The following CARMIL1 variants were observed in gnomAD, a reference collection of about 807,000 sequenced individuals.
The protein encoded by CARMIL1 is F-actin-uncapping protein LRRC16A.
CARMIL1 carries 90 observed loss-of-function variants against 177.1 expected under a neutral mutation model. That is an observed-to-expected ratio of 0.51 (90% CI 0.43 to 0.61). The LOEUF (loss-of-function observed/expected upper bound fraction) is 0.61, where lower values mean the gene tolerates loss of function less well. Ranked by LOEUF, CARMIL1 falls within the 20% of genes least tolerant of loss-of-function variation. CARMIL1 has a pLI of 0.00. For missense variants in CARMIL1, 1,380 were observed against 1,667.0 expected, an observed-to-expected ratio of 0.83 and a Z score of 3.00; for synonymous variants, 577 against 606.2, an observed-to-expected ratio of 0.95 and a Z score of 0.71.
At chr6:25,346,086 T>G (rs1320946213) in intron 2 of CARMIL1, among the ~76,000 whole-genome samples, 1 of 152,238 alleles carries the variant, frequency 6.6e-6, no homozygotes, top group Non-Finnish European at 1.5e-5. Flanking sequence ...TAACTGGTCT[T>G]TCAGCTTCCA....
intron 2 of CARMIL1, among the ~76,000 whole-genome samples, chr6:25,390,726 G>T (rs1792728427): frequency 6.6e-6 from 1 of 152,076 alleles, no homozygotes; most frequent in South Asian, 2.1e-4. Context: ...GTCTCGCTCT[G>T]TCAGCCCAGG....
At chr6:25,480,616 T>C in intron 11 of CARMIL1, among the ~76,000 whole-genome samples, 1 of 145,506 alleles carries the variant, frequency 6.9e-6, no homozygotes, top group East Asian at 2.0e-4. Flanking sequence ...TCTTTATATT[T>C]ATATAATAAT....
chr6:25,308,059 T>C (rs1214305718), intron 2 of CARMIL1, among the ~76,000 whole-genome samples: 1 of 152,232 alleles, frequency 6.6e-6, no homozygotes, highest in East Asian at 1.9e-4. Context: ...AATGGCTGTG[T>C]GCAGATTAGG....
At chr6:25,513,679 G>T (rs1382629240) in intron 20 of CARMIL1, among the ~76,000 whole-genome samples, 2 of 152,130 alleles carry the variant, frequency 1.3e-5, no homozygotes, top group Non-Finnish European at 2.9e-5. Flanking sequence ...AATGTTAAGT[G>T]TTTGAGTAGA....
chr6:25,559,100 A>C (rs568162543), intron 29 of CARMIL1, among the ~76,000 whole-genome samples: 1 of 152,168 alleles, frequency 6.6e-6, no homozygotes, highest in Non-Finnish European at 1.5e-5. Flanking sequence ...AAGCCACCCA[A>C]AGATAGAACC....
intron 26 of CARMIL1, among the ~76,000 whole-genome samples, chr6:25,549,955 C>T (rs1470693629): frequency 6.6e-6 from 1 of 152,186 alleles, no homozygotes; most frequent in Non-Finnish European, 1.5e-5. Context: ...TATTTATTCT[C>T]AATAATCCTA....
intron 2 of CARMIL1, among the ~76,000 whole-genome samples, chr6:25,392,358 A>G (rs923844348): frequency 6.6e-6 from 1 of 152,164 alleles, no homozygotes; most frequent in Non-Finnish European, 1.5e-5. Context: ...AATTTTCTTT[A>G]TATCAAGCAA....
chr6:25,398,042 G>T (rs2150568393), intron 2 of CARMIL1, among the ~76,000 whole-genome samples: 1 of 151,996 alleles, frequency 6.6e-6, no homozygotes, highest in African/African-American at 2.4e-5. Context: ...AATATTAGAG[G>T]GGAAAAGATT....
chr6:25,562,392 C>A (rs748482393), intron 29 of CARMIL1, among the ~76,000 whole-genome samples: 1 of 152,024 alleles, frequency 6.6e-6, no homozygotes, highest in Admixed American at 6.6e-5. Flanking sequence ...GGATTACAGG[C>A]GCCTGCCACC....
At chr6:25,599,313 A>C (rs1815165220) in intron 32 of CARMIL1, among the ~76,000 whole-genome samples, 1 of 152,128 alleles carries the variant, frequency 6.6e-6, no homozygotes. Flanking sequence ...CTGATCTATT[A>C]AGTCAATTTT....
intron 2 of CARMIL1, among the ~76,000 whole-genome samples, chr6:25,407,567 G>A (rs1040526607): frequency 6.6e-6 from 1 of 152,124 alleles, no homozygotes; most frequent in African/African-American, 2.4e-5. Flanking sequence ...CAGATGAAGG[G>A]AACGGAATCA....
intron 2 of CARMIL1, chr6:25,287,363 A>G (rs960001295): frequency 1.1e-4 from 16 of 152,282 alleles, no homozygotes; most frequent in African/African-American, 3.6e-4. Context: ...TTTCTAGCTT[A>G]TCTTTTGTAG....
intron 29 of CARMIL1, among the ~76,000 whole-genome samples, chr6:25,574,514 T>C (rs560657750): frequency 2.0e-5 from 3 of 152,350 alleles, no homozygotes; most frequent in Admixed American, 2.0e-4. Flanking sequence ...TCACAGATAA[T>C]GTAATAGCAT....
chr6:25,531,639 TA>T, intron 24 of CARMIL1, among the ~76,000 whole-genome samples: 1 of 152,182 alleles, frequency 6.6e-6, no homozygotes, highest in Non-Finnish European at 1.5e-5. Flanking sequence ...ACCAGTCCCT[TA>T]AAAATCTAAT....
chr6:25,341,129 G>GTAT (rs1035390068), intron 2 of CARMIL1, among the ~76,000 whole-genome samples: 1 of 149,980 alleles, frequency 6.7e-6, no homozygotes, highest in Non-Finnish European at 1.5e-5. Flanking sequence ...GAAGTAGATG[G>GTAT]TATTATTATT....
In CARMIL1 at chr6:25,600,491, C is replaced by T; in HGVS notation, c.3297C>T (p.Val1099=). The T allele has an allele frequency of 1.2e-6, 2 of 1,614,038 alleles. No individual in the cohort carries two copies. Among genetic ancestry groups the T allele is most frequent in the South Asian group, 1.1e-5 (1 of 91,080 alleles). The change falls in exon 33 of 37, where the codon GTC becomes GTT. Residue 1099 remains valine (V), a synonymous_variant. Transcript: ENST00000329474. ...AACCCTCCTCACCAAAAGGGGCAGT[C>T]AGAAGTCCACCTGTGGACTGTCCCA... ...TEEPSSPKGA[V]RSPPVDCPRK...
chr6:25,576,893 C>G, intron 29 of CARMIL1: 62 of 524,466 alleles, frequency 1.2e-4, no homozygotes, highest in Non-Finnish European at 1.4e-4. Flanking sequence ...GAATGGTATC[C>G]CTCTCCCTCC....
intron 2 of CARMIL1, chr6:25,389,260 C>G (rs901740710): frequency 1.3e-5 from 2 of 152,142 alleles, no homozygotes; most frequent in African/African-American, 2.4e-5. Flanking sequence ...TCAAAAGAAT[C>G]TTTCAGCTTC....
intron 5 of CARMIL1, among the ~76,000 whole-genome samples, chr6:25,444,992 A>C (rs1047021931): frequency 2.6e-5 from 4 of 152,320 alleles, no homozygotes; most frequent in South Asian, 4.1e-4. Flanking sequence ...TCCCACCAAC[A>C]GTGTAAAAGT....
Sources: gnomAD v4.1 joint callset for allele counts (sites outside exome capture counted in the v4.1 genomes callset) on GRCh38, gnomAD v4.1.1 for gene constraint, MANE v1.5 for transcripts, NCBI Gene and HGNC (gene_info 2026-07-23, HGNC 2026-07-21) for gene names.